PXDNL: variants seen among roughly 807,000 people sequenced by gnomAD.
PXDNL encodes the protein peroxidasin like, also known as probable oxidoreductase PXDNL.
PXDNL carries 145 observed loss-of-function variants against 150.8 expected under a neutral mutation model. That is an observed-to-expected ratio of 0.96 (90% CI 0.84 to 1.10). The LOEUF is 1.10. Ranked by LOEUF, PXDNL falls within the 50% of genes least tolerant of loss-of-function variation. The pLI is 0.00. For missense variants in PXDNL, 2,087 were observed against 1,873.9 expected (o/e 1.11, Z -2.10); for synonymous variants, 757 against 725.7 (o/e 1.04, Z -0.69).
rs564669480 is a variant in PXDNL, at chr8:51,388,005, A to T, written c.3558-13274T>A. Reference sequence around the variant, plus strand: ...AATGACTTCAGGGTTAACATTACAGATCCTTTCTTAAGGTTTATACCAGAG... The same window carrying T: ...AATGACTTCAGGGTTAACATTACAGTTCCTTTCTTAAGGTTTATACCAGAG... On this transcript the variant is annotated intron_variant, in intron 17 of 22. Transcript: ENST00000356297. Among the ~76,000 whole-genome samples the T allele has an allele frequency of 2.0e-5, 3 of 152,274 alleles. No homozygotes were observed. In the East Asian group the frequency reaches 5.8e-4, roughly 29 times the overall value.
intron 1 of PXDNL, among the ~76,000 whole-genome samples, chr8:51,798,619 A>C (rs181085032): frequency 1.3e-5 from 2 of 152,370 alleles, no homozygotes; most frequent in Admixed American, 6.5e-5. Flanking sequence ...ATGCAAATCA[A>C]AACCACAATA....
chr8:51,502,016 T>A (rs1434355368), intron 4 of PXDNL, among the ~76,000 whole-genome samples: 1 of 152,202 alleles, frequency 6.6e-6, no homozygotes, highest in African/African-American at 2.4e-5. Flanking sequence ...CAAATAGACA[T>A]TTTATGAAGA....
chr8:51,450,902 A>C (rs369338732), intron 10 of PXDNL, among the ~76,000 whole-genome samples: 11 of 152,282 alleles, frequency 7.2e-5, no homozygotes, highest in African/African-American at 2.6e-4. Context: ...CCCCAGCCTG[A>C]TGTTCTTTCC....
rs553993472 is a variant in PXDNL at position 51,509,735 on chromosome 8, C to CAT, written c.381-9967_381-9966dup. Among the ~76,000 whole-genome samples, 367 of 107,028 alleles carry CAT rather than the reference C, an allele frequency of 3.4e-3. 2 individuals are homozygous for CAT. Among genetic ancestry groups the CAT allele is most frequent in the African/African-American group, 0.015 (332 of 22,712 alleles). The allele number at this position is 107,028 out of a possible 152,430, so 70.2% of individuals were successfully genotyped here. The stretch of plus-strand genomic sequence containing the variant: ...GGTTCTGTGTGTACATATATATATA[C>CAT]ATATATACACACACACACACACACA... On this transcript the variant is annotated intron_variant, in intron 4 of 22. Transcript: ENST00000356297.
chr8:51,719,366 T>C (rs562846570), intron 1 of PXDNL, among the ~76,000 whole-genome samples: 1 of 152,212 alleles, frequency 6.6e-6, no homozygotes, highest in South Asian at 2.1e-4. Context: ...CTCTAAAACA[T>C]GTGCTGTGTC....
intron 10 of PXDNL, among the ~76,000 whole-genome samples, chr8:51,451,892 G>T (rs551373301): frequency 6.6e-6 from 1 of 152,022 alleles, no homozygotes; most frequent in Non-Finnish European, 1.5e-5. Context: ...AAAAATCTGG[G>T]CACACAGATC....
At chr8:51,770,354 A>G (rs1287425150) in intron 1 of PXDNL, among the ~76,000 whole-genome samples, 3 of 152,254 alleles carry the variant, frequency 2.0e-5, no homozygotes, top group Non-Finnish European at 4.4e-5. Context: ...AGTGAAAAAG[A>G]CAGTCTTGGC....
chr8:51,517,091 C>A (rs1811557203), intron 4 of PXDNL, among the ~76,000 whole-genome samples: 1 of 152,084 alleles, frequency 6.6e-6, no homozygotes, highest in Admixed American at 6.6e-5. Flanking sequence ...TTCATTGTAA[C>A]CTTTCACTAC....
intron 3 of PXDNL, among the ~76,000 whole-genome samples, chr8:51,580,414 T>A (rs373077923): frequency 1.3e-5 from 2 of 152,180 alleles, no homozygotes; most frequent in African/African-American, 4.8e-5. Flanking sequence ...GTTGAATGAA[T>A]GTAGATTGAA....
intron 1 of PXDNL, among the ~76,000 whole-genome samples, chr8:51,758,927 G>T (rs1193940628): frequency 6.6e-6 from 1 of 152,176 alleles, no homozygotes; most frequent in East Asian, 1.9e-4. Flanking sequence ...ACTCTCTCCA[G>T]TGTTGCCACT....
At chr8:51,566,735 C>A (rs1008590512) in intron 3 of PXDNL, among the ~76,000 whole-genome samples, 1 of 151,226 alleles carries the variant, frequency 6.6e-6, no homozygotes, top group Admixed American at 6.6e-5. Context: ...TTCAAAGAAC[C>A]AGTTTTCACT....
In PXDNL at chr8:51,638,676, T is replaced by C. The variant is rs550803488; in HGVS notation, c.236+16013A>G. Reference sequence around the variant, plus strand: ...CTATCCTAAATATATATGCACCCAATACAGGAGCACCCAGATTCATGAAGC... The same window carrying C: ...CTATCCTAAATATATATGCACCCAACACAGGAGCACCCAGATTCATGAAGC... On this transcript the variant is annotated intron_variant, in intron 2 of 22. Transcript: ENST00000356297. 8.9e-4 allele frequency among the ~76,000 whole-genome samples: 135 copies of C among 152,192 alleles called. 1 individual carries two copies. Among genetic ancestry groups the C allele is most frequent in the Middle Eastern group, 3.4e-3 (1 of 294 alleles).
intron 16 of PXDNL, 97 bp downstream of exon 16, chr8:51,411,153 G>T: frequency 9.8e-7 from 1 of 1,024,276 alleles, no homozygotes; most frequent in Non-Finnish European, 1.3e-6. Flanking sequence ...TAAATCCCAT[G>T]ATATTCTGGA....
In PXDNL at chr8:51,371,893, A is replaced by G. The variant is rs373203005; in HGVS notation, c.3881T>C (p.Val1294Ala). 11 of 1,613,672 alleles carry G rather than the reference A, an allele frequency of 6.8e-6. No homozygotes were observed. Among genetic ancestry groups the G allele is most frequent in the African/African-American group, 6.7e-5 (5 of 74,878 alleles). Reference protein sequence around the residue: ...CSEIPKVDLRVWQDCCADCRS... With the variant: ...CSEIPKVDLRAWQDCCADCRS... ...CTGACCTGCACAGCAGTCTTGCCACACTCGCAGGTCCACCTTCGGGATCTC... is the reference window on the plus strand; with the variant it reads ...CTGACCTGCACAGCAGTCTTGCCACGCTCGCAGGTCCACCTTCGGGATCTC... The change falls in exon 19 of 23, where the codon GTG becomes GCG. Residue 1294 changes from valine (V) to alanine (A), a missense_variant. Coordinates refer to ENST00000356297, the MANE Select transcript of PXDNL (RefSeq NM_144651.5).
intron 1 of PXDNL, among the ~76,000 whole-genome samples, chr8:51,768,769 T>C (rs1055034556): frequency 6.6e-6 from 1 of 152,214 alleles, no homozygotes; most frequent in African/African-American, 2.4e-5. Flanking sequence ...CACCATTCTA[T>C]GTATTATAAA....
intron 4 of PXDNL, among the ~76,000 whole-genome samples, chr8:51,538,221 C>T (rs756032319): frequency 2.6e-5 from 4 of 152,208 alleles, no homozygotes; most frequent in East Asian, 1.9e-4. Context: ...TCCAGCCAAA[C>T]ATGCACTTTG....
intron 11 of PXDNL, among the ~76,000 whole-genome samples, chr8:51,447,659 G>A (rs894397608): frequency 6.6e-6 from 1 of 152,146 alleles, no homozygotes; most frequent in African/African-American, 2.4e-5. Context: ...ATTGTACTTT[G>A]CACTGCTGAG....
chr8:51,633,755 A>G (rs1814541151), intron 2 of PXDNL, among the ~76,000 whole-genome samples: 1 of 151,926 alleles, frequency 6.6e-6, no homozygotes, highest in Admixed American at 6.6e-5. Flanking sequence ...ATTTTTTCAT[A>G]TGTTTGTTGG....
intron 6 of PXDNL, among the ~76,000 whole-genome samples, chr8:51,481,786 G>A (rs1245760742): frequency 6.6e-6 from 1 of 152,224 alleles, no homozygotes; most frequent in Non-Finnish European, 1.5e-5. Flanking sequence ...CTTACATGTG[G>A]TGTTGGGCCT....
Sources: gnomAD v4.1 joint callset for allele counts (sites outside exome capture counted in the v4.1 genomes callset) on GRCh38, gnomAD v4.1.1 for gene constraint, MANE v1.5 for transcripts, NCBI Gene and HGNC (gene_info 2026-07-23, HGNC 2026-07-21) for gene names.